Variants in TTN observed in about 807,000 individuals in gnomAD.
TTN encodes connectin.
TTN carries 1,525 observed loss-of-function variants against 3,223.0 expected under a neutral mutation model. The ratio of observed to expected loss-of-function variants is 0.47; its 90% CI spans 0.45 to 0.49. TTN has a LOEUF of 0.49. TTN is among the 20% of genes least tolerant of loss of function. TTN has a pLI of 0.00. For synonymous variants in TTN, 14,094 were observed against 15,161.0 expected (o/e 0.93, Z 5.17); for missense variants, 40,786 against 43,424.0 (o/e 0.94, Z 5.40).
intron 60 of TTN, 30 bp from the exon 61 acceptor site, chr2:178,730,822 A>C (rs375884171): frequency 2.9e-4 from 446 of 1,543,678 alleles, no homozygotes; most frequent in Non-Finnish European, 3.7e-4. Flanking sequence ...ACAACAACAA[A>C]AAAAGGTCAA....
Position 178,717,682 on chromosome 2 carries a change from C to G in TTN, c.25192G>C (p.Val8398Leu), listed in dbSNP as rs535933745. Reference sequence around the variant, plus strand: ...AAATTAGCATCATCTTTCAAAAGAACCCCATCCTTGTACCAAGACACTTGA... The same window carrying G: ...AAATTAGCATCATCTTTCAAAAGAAGCCCATCCTTGTACCAAGACACTTGA... ...PLQVSWYKDG[V>L]LLKDDANLQT... The change falls in exon 87 of 363, where the codon GTT (valine) becomes CTT (leucine). Residue 8398 changes from valine (V) to leucine (L), a missense_variant. Coordinates refer to ENST00000589042, the MANE Select transcript of TTN (RefSeq NM_001267550.2). The G allele has an allele frequency of 1.2e-6, 2 of 1,613,444 alleles. No homozygotes were observed. Among genetic ancestry groups the G allele is most frequent in the East Asian group, 4.5e-5 (2 of 44,832 alleles).
intron 46 of TTN, among the ~76,000 whole-genome samples, chr2:178,755,598 C>A (rs544089336): frequency 1.3e-5 from 2 of 152,236 alleles, no homozygotes; most frequent in East Asian, 3.9e-4. Flanking sequence ...CAACATCCAA[C>A]ATGCCTGGCT....
rs1011489740 is a variant in TTN at position 178,649,717 on chromosome 2, G to C, written c.39896-86C>G. 9 of 1,535,726 alleles carry C rather than the reference G, an allele frequency of 5.9e-6. No individual in the cohort carries two copies. In the Admixed American group the frequency reaches 1.4e-4, roughly 24 times the overall value. On this transcript the variant is annotated intron_variant, in intron 211 of 362. Coordinates refer to ENST00000589042, the MANE Select transcript of TTN (RefSeq NM_001267550.2). ...AGTTTATTCAACACTGTAACATATA[G>C]GTAAGAGTTAACAAACATATAATAC...
chr2:178,678,214 A>C lies in TTN; in HGVS notation c.33911-6T>G. 2.5e-6 allele frequency: 4 copies of C among 1,600,132 alleles called. No individual in the cohort carries two copies. Among genetic ancestry groups the C allele is most frequent in the Non-Finnish European group, 3.4e-6 (4 of 1,175,058 alleles). On this transcript the variant is annotated splice_region_variant and splice_polypyrimidine_tract_variant and intron_variant, in intron 144 of 362. Transcript: ENST00000589042. ...CTTCTTGGGCACCTCTGGCACTTTAAAGATATTATTTATATTTAGGAATAT... is the reference window on the plus strand; with the variant it reads ...CTTCTTGGGCACCTCTGGCACTTTACAGATATTATTTATATTTAGGAATAT...
In TTN at chr2:178,634,652, G is replaced by A. The variant is rs757837144; in HGVS notation, c.42152-23C>T. The stretch of plus-strand genomic sequence containing the variant: ...TTTCTGAAAATCAGACATTAAGAAT[G>A]AGGCTTTTCAGAATGCACAGGGAAG... On this transcript the variant is annotated intron_variant, in intron 229 of 362. Coordinates refer to ENST00000589042, the MANE Select transcript of TTN (RefSeq NM_001267550.2). The surrounding 1 kb of genome is among the most constrained non-coding windows in gnomAD (Gnocchi z 4.6). 5.0e-5 allele frequency: 80 copies of A among 1,612,404 alleles called. No individual in the cohort carries two copies. In the East Asian group the frequency reaches 1.6e-3, roughly 31 times the overall value.
chr2:178,715,890 T>C, intron 88 of TTN, 116 bp from the exon 89 acceptor site: 1 of 1,008,796 alleles, frequency 9.9e-7, no homozygotes, highest in South Asian at 1.9e-5. Context: ...AAAACAAATT[T>C]ATGCAGTTCA....
Position 178,682,726 on chromosome 2 carries a change from C to G in TTN, c.33065G>C (p.Arg11022Pro). Residue 11022 changes from arginine (R) to proline (P), a missense_variant, in exon 135 of 363, where the codon CGA (arginine) becomes CCA (proline). Physicochemically the swap from Arg to Pro is moderately radical, Grantham distance 103 (BLOSUM62 -2). Coordinates refer to ENST00000589042, the MANE Select transcript of TTN (RefSeq NM_001267550.2). Reference sequence around the variant, plus strand: ...GATGTATTCTTCATGCTCTTCATATCGTTCATACTCCCGCTCCTCGTATTC... The same window carrying G: ...GATGTATTCTTCATGCTCTTCATATGGTTCATACTCCCGCTCCTCGTATTC... Reference protein sequence around the residue: ...YEEYEEREYERYEEHEEYITE... With the variant: ...YEEYEEREYEPYEEHEEYITE... 3 of 1,612,546 alleles carry G rather than the reference C, an allele frequency of 1.9e-6. No homozygotes were observed. In the South Asian group the frequency reaches 3.3e-5, roughly 18 times the overall value.
chr2:178,601,171 T>C lies in TTN; in HGVS notation c.55733A>G (p.Tyr18578Cys), dbSNP rs1412679658. The change falls in exon 288 of 363, where the codon TAT (tyrosine) becomes TGT (cysteine). Residue 18578 changes from tyrosine to cysteine, a missense_variant and splice_region_variant. Physicochemically the swap from Tyr to Cys is radical, Grantham distance 194. Coordinates refer to ENST00000589042, the MANE Select transcript of TTN (RefSeq NM_001267550.2). ...IQRTTARDPI[Y>C]PPDPPIKLKI... Reference sequence around the variant, plus strand: ...GAGTTTAATAGGAGGATCAGGAGGATCTGTAAAAATAATTAAAGGAAGTAT... The same window carrying C: ...GAGTTTAATAGGAGGATCAGGAGGACCTGTAAAAATAATTAAAGGAAGTAT... 4 of 1,524,398 alleles carry C rather than the reference T, an allele frequency of 2.6e-6. No individual in the cohort carries two copies. The African/African-American group carries it at 5.6e-5, about 21-fold the overall frequency. 94.4% of individuals were successfully genotyped at this position (1,524,398 alleles called of 1,614,324 possible).
At position 178,610,223 on chromosome 2, in the gene TTN, C is replaced by G. The variant is rs1406870908; in HGVS notation, c.51303G>C (p.Glu17101Asp). Reference sequence around the variant, plus strand: ...CCTTCACAGTCCATGACAGTTTGTTCTCACCAGACATGACTGGTATATATG... The same window carrying G: ...CCTTCACAGTCCATGACAGTTTGTTGTCACCAGACATGACTGGTATATATG... Reference protein sequence around the residue: ...RRTYIPVMSGENKLSWTVKDL... With the variant: ...RRTYIPVMSGDNKLSWTVKDL... Residue 17101 changes from glutamate (E) to aspartate (D), a missense_variant, in exon 271 of 363, where the codon GAG becomes GAC. Glu to Asp is a conservative substitution (Grantham distance 45, BLOSUM62 2). Coordinates refer to ENST00000589042, the MANE Select transcript of TTN (RefSeq NM_001267550.2). The G allele has an allele frequency of 6.2e-7, 1 of 1,612,872 alleles. No individual in the cohort carries two copies. Among genetic ancestry groups the G allele is most frequent in the Admixed American group, 1.7e-5 (1 of 59,944 alleles).
chr2:178,785,497 C>A, intron 15 of TTN, 123 bp downstream of exon 15: 1 of 1,407,892 alleles, frequency 7.1e-7, no homozygotes, highest in Middle Eastern at 2.5e-4. Context: ...TGAATGCAAA[C>A]ACACGCACAC....
Position 178,608,212 on chromosome 2 carries a change from T to TTTTG in TTN, c.52670_52671insCAAA (p.Pro17558LysfsTer10). 1 of 1,604,152 alleles carries TTTTG rather than the reference T, an allele frequency of 6.2e-7. No individual in the cohort carries two copies. The highest frequency in any genetic ancestry group is 8.5e-7 in the Non-Finnish European group (1 of 1,174,698). ...CATGTGCTGTTTTGGGATCTGAAGGTGGACTGAACTTTCCAGGTCCAGCTG... is the reference window on the plus strand; with the variant it reads ...CATGTGCTGTTTTGGGATCTGAAGGTTTTGGGACTGAACTTTCCAGGTCCAGCTG... On this transcript the variant is annotated frameshift_variant, in exon 275 of 363. Transcript: ENST00000589042. LOFTEE classifies it high-confidence loss of function.
chr2:178,618,814 A>G lies in TTN; in HGVS notation c.46736T>C (p.Val15579Ala). Residue 15579 changes from valine to alanine, a missense_variant, in exon 251 of 363, where the codon GTT becomes GCT. Coordinates refer to ENST00000589042, the MANE Select transcript of TTN (RefSeq NM_001267550.2). The part of the protein sequence containing the change: ...KIKTADQDLV[V>A]DVGKPLTMVV... Reference sequence around the variant, plus strand: ...CATTGTCAGAGGCTTGCCAACATCAACCACAAGGTCTTGGTCAGCTGTCTT... The same window carrying G: ...CATTGTCAGAGGCTTGCCAACATCAGCCACAAGGTCTTGGTCAGCTGTCTT... 2 of 1,610,846 alleles carry G rather than the reference A, an allele frequency of 1.2e-6. No individual in the cohort carries two copies. Among genetic ancestry groups the G allele is most frequent in the Middle Eastern group, 1.8e-4 (1 of 5,490 alleles).
intron 47 of TTN, chr2:178,749,958 C>G (rs1472641022): frequency 6.2e-7 from 1 of 1,613,042 alleles, no homozygotes; most frequent in Non-Finnish European, 8.5e-7. Flanking sequence ...GACAAAAATA[C>G]AAATCTGTGT....
At chr2:178,789,313 T>A (rs752720726) in intron 13 of TTN, 47 bp downstream of exon 13, 8 of 1,607,998 alleles carry the variant, frequency 5.0e-6, no homozygotes, top group African/African-American at 1.3e-5. Context: ...TATGTGGTAT[T>A]AATGTATTAT....
At chr2:178,714,220 A>G in intron 91 of TTN, 45 bp from the exon 92 acceptor site, 1 of 1,590,284 alleles carries the variant, frequency 6.3e-7, no homozygotes, top group Non-Finnish European at 8.5e-7. Flanking sequence ...ACTCAAATTG[A>G]AAAACTAAAG....
intron 354 of TTN, 80 bp downstream of exon 354, chr2:178,538,460 G>T (rs1363141059): frequency 1.5e-6 from 2 of 1,366,254 alleles, no homozygotes; most frequent in East Asian, 2.4e-5. Flanking sequence ...GCTTTCCAGG[G>T]TTCTACTTAG....
intron 20 of TTN, among the ~76,000 whole-genome samples, chr2:178,781,917 T>TGC (rs1370437771): frequency 6.6e-6 from 1 of 151,872 alleles, no homozygotes; most frequent in Non-Finnish European, 1.5e-5. Context: ...TGTGTGTGTG[T>TGC]GTGTGTGTGT....
intron 257 of TTN, 22 bp from the exon 258 acceptor site, chr2:178,615,810 A>AATC: frequency 6.3e-7 from 1 of 1,591,560 alleles, no homozygotes; most frequent in South Asian, 1.2e-5. Flanking sequence ...AAATACAGTT[A>AATC]ATCAGTTATT....
In TTN at chr2:178,589,314, G is replaced by A; in HGVS notation, c.62411C>T (p.Thr20804Ile). 1 of 1,612,964 alleles carries A rather than the reference G, an allele frequency of 6.2e-7. No individual in the cohort carries two copies. The change falls in exon 304 of 363, where the codon ACC (threonine) becomes ATC (isoleucine). Residue 20804 changes from threonine (T) to isoleucine (I), a missense_variant. Transcript: ENST00000589042. ...TAAGTCTGTAGCGTCTTTGTCCTTG[G>A]TCCATGCAACTTCTGGGAATGGTTT... ...RGKPFPEVAW[T>I]KDKDATDLTR...
Sources: gnomAD v4.1 joint callset for allele counts (sites outside exome capture counted in the v4.1 genomes callset) on GRCh38, gnomAD v4.1.1 for gene constraint, Gnocchi (gnomAD v3.1) non-coding constraint, MANE v1.5 for transcripts, NCBI Gene and HGNC (gene_info 2026-07-23, HGNC 2026-07-21) for gene names.